JARID2: variants seen among roughly 807,000 people sequenced by gnomAD.
JARID2 encodes jumonji and AT-rich interaction domain containing 2.
A neutral mutation model predicts 125.6 loss-of-function variants in JARID2; 21 were observed. That is an observed-to-expected ratio of 0.17 (90% CI 0.12 to 0.24). The LOEUF (loss-of-function observed/expected upper bound fraction) is 0.24, where lower values mean the gene tolerates loss of function less well. JARID2 is among the 10% of genes least tolerant of loss of function. JARID2 has a pLI of 1.00. For synonymous variants in JARID2, 736 were observed against 661.6 expected (o/e 1.11, Z -1.73); for missense variants, 1,303 against 1,639.6 (o/e 0.79, Z 3.55).
chr6:15,331,343 A>C (rs1218262544), intron 1 of JARID2, among the ~76,000 whole-genome samples: 1 of 34,016 alleles, frequency 2.9e-5, no homozygotes. Context: ...CTCAAAAAAA[A>C]CAAAAACAAA....
chr6:15,286,664 T>C (rs1298298331), intron 1 of JARID2, among the ~76,000 whole-genome samples: 1 of 151,472 alleles, frequency 6.6e-6, no homozygotes, highest in African/African-American at 2.4e-5. Flanking sequence ...ATCGAGAGCA[T>C]CCTGGCTAAC....
At chr6:15,298,840 A>G (rs531308653) in intron 1 of JARID2, among the ~76,000 whole-genome samples, 1 of 152,158 alleles carries the variant, frequency 6.6e-6, no homozygotes, top group African/African-American at 2.4e-5. Flanking sequence ...CATACTCAGT[A>G]TAGTTTACAT....
intron 1 of JARID2, among the ~76,000 whole-genome samples, chr6:15,339,443 TA>T (rs1762990937): frequency 6.6e-6 from 1 of 151,866 alleles, no homozygotes; most frequent in African/African-American, 2.4e-5. Context: ...CAGTCTCTTA[TA>T]AAAAAGAGAG....
intron 3 of JARID2, among the ~76,000 whole-genome samples, chr6:15,418,418 G>A (rs893076945): frequency 1.3e-5 from 2 of 152,068 alleles, no homozygotes; most frequent in African/African-American, 2.4e-5. Flanking sequence ...GTTTCACCAT[G>A]TTGGCCAGGA....
At chr6:15,313,453 G>C (rs1309993118) in intron 1 of JARID2, among the ~76,000 whole-genome samples, 1 of 152,176 alleles carries the variant, frequency 6.6e-6, no homozygotes, top group Non-Finnish European at 1.5e-5. Context: ...ACAGGGTCTT[G>C]CATTTGTGCC....
At chr6:15,505,668 G>A (rs1277768483) in intron 9 of JARID2, among the ~76,000 whole-genome samples, 6 of 152,216 alleles carry the variant, frequency 3.9e-5, no homozygotes, top group Non-Finnish European at 8.8e-5. Flanking sequence ...CTCTGCTTAC[G>A]TGCAGGGGCT....
At chr6:15,321,277 C>T (rs1382149126) in intron 1 of JARID2, among the ~76,000 whole-genome samples, 1 of 152,064 alleles carries the variant, frequency 6.6e-6, no homozygotes. Context: ...CATTTTTTTA[C>T]ATCACAAAGA....
intron 1 of JARID2, among the ~76,000 whole-genome samples, chr6:15,261,743 C>T (rs1417707463): frequency 2.6e-5 from 4 of 151,606 alleles, no homozygotes; most frequent in South Asian, 2.1e-4. Flanking sequence ...CTCCCTACTA[C>T]GTCCTACTGT....
chr6:15,500,566 C>T (rs1023926850), intron 7 of JARID2, among the ~76,000 whole-genome samples: 4 of 152,176 alleles, frequency 2.6e-5, no homozygotes, highest in African/African-American at 9.7e-5. Flanking sequence ...ACACATGTAC[C>T]AGTACATGGT....
chr6:15,483,944 G>C (rs921836531), intron 5 of JARID2, among the ~76,000 whole-genome samples: 3 of 152,072 alleles, frequency 2.0e-5, no homozygotes, highest in African/African-American at 4.8e-5. Context: ...CATCCTAGTC[G>C]ATGTAAAGTG....
At chr6:15,446,870 CAG>C (rs1229772312) in intron 3 of JARID2, among the ~76,000 whole-genome samples, 1 of 152,158 alleles carries the variant, frequency 6.6e-6, no homozygotes, top group Non-Finnish European at 1.5e-5. Flanking sequence ...CGTGGCATGA[CAG>C]AGACAGCTCT....
At chr6:15,252,777 T>A (rs1408649513) in intron 1 of JARID2, among the ~76,000 whole-genome samples, 2 of 152,170 alleles carry the variant, frequency 1.3e-5, no homozygotes, top group Non-Finnish European at 2.9e-5. Context: ...GTCCTCCAGA[T>A]AACTGTACTC....
chr6:15,372,233 A>C (rs1041658122), intron 1 of JARID2, among the ~76,000 whole-genome samples: 7 of 152,122 alleles, frequency 4.6e-5, no homozygotes, highest in Non-Finnish European at 8.8e-5. Context: ...GGAAAAACCA[A>C]TTCTTTTGTA....
chr6:15,466,328 T>C (rs187882267), intron 4 of JARID2, among the ~76,000 whole-genome samples: 1 of 152,342 alleles, frequency 6.6e-6, no homozygotes, highest in East Asian at 1.9e-4. Context: ...GCTGTTTTTA[T>C]ACCAATCCAT....
At chr6:15,469,732 C>T (rs148852416) in intron 5 of JARID2, among the ~76,000 whole-genome samples, 147 of 152,026 alleles carry the variant, frequency 9.7e-4, no homozygotes, top group African/African-American at 3.3e-3. Context: ...AAATGCACAG[C>T]GAGGTTGTAA....
In JARID2 at chr6:15,404,535, A is replaced by G. The variant is rs1001651897; in HGVS notation, c.182-5689A>G. 1.6e-4 allele frequency among the ~76,000 whole-genome samples: 11 copies of G among 67,970 alleles called. No homozygotes were observed. The East Asian group carries it at 2.1e-3, about 13-fold the overall frequency. The allele number at this position is 67,970 out of a possible 152,430, so 44.6% of individuals were successfully genotyped here. A position where few individuals can be genotyped will look rare whatever the true frequency, so the allele number is the denominator to read the frequency against. ...TCTTAAAGTGCACACACACACACACACACACACACACACACACACACACAC... is the reference window on the plus strand; with the variant it reads ...TCTTAAAGTGCACACACACACACACGCACACACACACACACACACACACAC... On this transcript the variant is annotated intron_variant, in intron 2 of 17. Transcript: ENST00000341776.
intron 1 of JARID2, among the ~76,000 whole-genome samples, chr6:15,292,669 G>T (rs1761271143): frequency 6.6e-6 from 1 of 152,074 alleles, no homozygotes; most frequent in South Asian, 2.1e-4. Flanking sequence ...GTAATATTAT[G>T]TATTTGTTTA....
chr6:15,329,615 G>A (rs1453569047), intron 1 of JARID2, among the ~76,000 whole-genome samples: 1 of 152,148 alleles, frequency 6.6e-6, no homozygotes, highest in Non-Finnish European at 1.5e-5. Context: ...GGGTTAAACC[G>A]CATGCGCTCT....
intron 1 of JARID2, among the ~76,000 whole-genome samples, chr6:15,340,768 G>T (rs561444655): frequency 6.6e-6 from 1 of 152,126 alleles, no homozygotes; most frequent in Non-Finnish European, 1.5e-5. Context: ...AATGTGTCTC[G>T]TTCCTCTTTA....
Sources: allele counts gnomAD v4.1 joint callset (sites outside exome capture counted in the v4.1 genomes callset), GRCh38; gene constraint gnomAD v4.1.1; transcripts MANE v1.5; gene names NCBI Gene and HGNC (gene_info 2026-07-23, HGNC 2026-07-21).